The following AHCY variants were observed in gnomAD, a reference collection of about 807,000 sequenced individuals.
The protein encoded by AHCY is S-adenosyl-L-homocysteine hydrolase.
AHCY carries 24 observed loss-of-function variants against 45.4 expected under a neutral mutation model. That is an observed-to-expected ratio of 0.53 (90% CI 0.38 to 0.74). The LOEUF (loss-of-function observed/expected upper bound fraction) is 0.74. Ranked by LOEUF, AHCY falls within the 30% of genes least tolerant of loss-of-function variation. AHCY has a pLI of 0.00. For missense variants in AHCY, 449 were observed against 594.1 expected, an observed-to-expected ratio of 0.76 and a Z score of 2.54; for synonymous variants, 245 against 235.1, an observed-to-expected ratio of 1.04 and a Z score of -0.39.
In AHCY at chr20:34,303,220, C is replaced by G. The variant is rs1355934755; in HGVS notation, c.28+23G>C. 4 of 1,551,314 alleles carry G rather than the reference C, an allele frequency of 2.6e-6. No individual in the cohort carries two copies. The Admixed American group carries it at 5.9e-5, about 23-fold the overall frequency. ...CGGGCGGGTGCCGGGCGGCCGCAAC[C>G]GGCTGCAGGTCCTGGGACTCACCGA... On this transcript the variant is annotated intron_variant, in intron 1 of 9. Transcript: ENST00000217426.
At chr20:34,269,637 A>G in the AHCY span, among the ~76,000 whole-genome samples, 17,368 of 148,864 alleles carry the variant, frequency 0.12, 3,394 homozygotes, top group African/African-American at 0.4. Flanking sequence ...TCCCCAGGGG[A>G]AAAAAAAAAC....
the AHCY span, among the ~76,000 whole-genome samples, chr20:34,263,287 G>A: frequency 2.0e-5 from 3 of 152,182 alleles, no homozygotes; most frequent in African/African-American, 7.2e-5. Flanking sequence ...ATCTTAGGCC[G>A]GATGCGGTGG....
chr20:34,283,645 G>A (rs939934571), intron 9 of AHCY, among the ~76,000 whole-genome samples: 19 of 152,196 alleles, frequency 1.2e-4, no homozygotes, highest in African/African-American at 4.6e-4. Context: ...CAAACTCATA[G>A]CCATATTTCT....
At chr20:34,276,741 A>G (rs2035913162), downstream of AHCY, among the ~76,000 whole-genome samples, 1 of 151,994 alleles carries the variant, frequency 6.6e-6, no homozygotes, top group Admixed American at 6.6e-5. Flanking sequence ...TTCTAGCAAA[A>G]GTCCTAAAGT....
rs1018515219 is a variant in AHCY at position 34,285,377 on chromosome 20, C to T, written c.1167+63G>A. Reference sequence around the variant, plus strand: ...AAGCACTTTATAAACTCTGGCAAGCCCTGTGTGGGGATCCCAGGATTAGAC... The same window carrying T: ...AAGCACTTTATAAACTCTGGCAAGCTCTGTGTGGGGATCCCAGGATTAGAC... On this transcript the variant is annotated intron_variant, in intron 9 of 9. Transcript: ENST00000217426. 1.1e-5 allele frequency: 17 copies of T among 1,589,562 alleles called. No homozygotes were observed. In the African/African-American group the frequency reaches 2.2e-4, roughly 20 times the overall value.
At chr20:34,264,902 C>T in the AHCY span, among the ~76,000 whole-genome samples, 1 of 149,058 alleles carries the variant, frequency 6.7e-6, no homozygotes, top group East Asian at 2.0e-4. Flanking sequence ...CTCAAGTGAT[C>T]CTCCTGCCTC....
At position 34,303,305 on chromosome 20, in the gene AHCY, G is replaced by A; in HGVS notation, c.-35C>T. 3 of 1,551,742 alleles carry A rather than the reference G, an allele frequency of 1.9e-6. No individual in the cohort carries two copies. The highest frequency in any genetic ancestry group is 1.7e-6 in the Non-Finnish European group (2 of 1,146,984). On this transcript the variant is annotated 5_prime_UTR_variant, in exon 1 of 10. Coordinates refer to ENST00000217426, the MANE Select transcript of AHCY (RefSeq NM_000687.4). ...ACTCGTGATGGAAACGGGCGAAGGG[G>A]GCTGGGCCTCAGTCTGGGAACAGGA...
At chr20:34,299,262 C>T (rs2036690980) in intron 1 of AHCY, among the ~76,000 whole-genome samples, 1 of 152,156 alleles carries the variant, frequency 6.6e-6, no homozygotes, top group African/African-American at 2.4e-5. Flanking sequence ...CCATACTCCA[C>T]TAAAACTGCT....
At chr20:34,292,218 G>A in intron 4 of AHCY, 140 bp downstream of exon 4, 2 of 1,207,934 alleles carry the variant, frequency 1.7e-6, no homozygotes, top group Non-Finnish European at 2.3e-6. Context: ...CAGCATGAAT[G>A]CCAGAGCCTG....
Position 34,303,287 on chromosome 20 carries a change from A to G in AHCY, c.-17T>C. The G allele has an allele frequency of 6.4e-7, 1 of 1,551,734 alleles. No individual in the cohort carries two copies. The stretch of plus-strand genomic sequence containing the variant: ...GTCAGACATGCTGGCGGCACTCGTG[A>G]TGGAAACGGGCGAAGGGGGCTGGGC... On this transcript the variant is annotated 5_prime_UTR_variant, in exon 1 of 10. Transcript: ENST00000217426.
intron 9 of AHCY, among the ~76,000 whole-genome samples, chr20:34,283,403 G>A (rs1350060039): frequency 1.3e-5 from 2 of 152,172 alleles, no homozygotes; most frequent in Admixed American, 1.3e-4. Flanking sequence ...CATTCGTGCA[G>A]TAGGTGACTT....
upstream of AHCY, among the ~76,000 whole-genome samples, chr20:34,306,014 G>A (rs781401837): frequency 1.6e-4 from 24 of 150,884 alleles, no homozygotes; most frequent in Non-Finnish European, 2.9e-4. Flanking sequence ...CCCAGGAGGC[G>A]GATGTTGCAT....
Position 34,294,151 on chromosome 20 carries a change from C to T in AHCY, c.225G>A (p.Gln75=), listed in dbSNP as rs770773399. Residue 75 remains glutamine (Q), a synonymous_variant, in exon 3 of 10, where the codon CAG becomes CAA. Coordinates refer to ENST00000217426, the MANE Select transcript of AHCY (RefSeq NM_000687.4). ...TGGAGAAGATGTTGCAGCTGGACCA[C>T]TGCACCTAGAAGAGCCATCAAAACA... ...ETLVTLGAEV[Q]WSSCNIFSTQ... 6.2e-7 allele frequency: 1 copy of T among 1,613,150 alleles called. No individual in the cohort carries two copies. Among genetic ancestry groups the T allele is most frequent in the Admixed American group, 1.7e-5 (1 of 60,020 alleles).
the AHCY span, among the ~76,000 whole-genome samples, chr20:34,245,516 T>C: frequency 6.6e-6 from 1 of 151,200 alleles, no homozygotes; most frequent in African/African-American, 2.4e-5. Context: ...GCCTCCTGAG[T>C]AGCTGGGACT....
Position 34,297,532 on chromosome 20 carries a change from G to A in AHCY, c.29-1947C>T, listed in dbSNP as rs1313204422. 3.9e-5 allele frequency among the ~76,000 whole-genome samples: 6 copies of A among 152,140 alleles called. No homozygotes were observed. In the East Asian group the frequency reaches 5.8e-4, roughly 15 times the overall value. On this transcript the variant is annotated intron_variant, in intron 1 of 9. Transcript: ENST00000217426. The stretch of plus-strand genomic sequence containing the variant: ...AGGCTGATCTTGAACTCCTGGCCTC[G>A]TGATCCACCTGCTTCAGCCTCCCAA...
the AHCY span, among the ~76,000 whole-genome samples, chr20:34,268,824 G>T: frequency 6.6e-6 from 1 of 152,118 alleles, no homozygotes; most frequent in East Asian, 1.9e-4. Context: ...TCTGGATGGG[G>T]ATGGAGGTGA....
At chr20:34,260,179 T>C in the AHCY span, among the ~76,000 whole-genome samples, 1 of 151,938 alleles carries the variant, frequency 6.6e-6, no homozygotes, top group Non-Finnish European at 1.5e-5. Context: ...TCTTCCCATC[T>C]CTCTTCTCTC....
chr20:34,259,297 G>A, the AHCY span, among the ~76,000 whole-genome samples: 5 of 152,008 alleles, frequency 3.3e-5, no homozygotes, highest in Admixed American at 2.6e-4. Context: ...CGGATCACTT[G>A]AGGACAAGAG....
chr20:34,281,268 C>T, intron 9 of AHCY, 103 bp from the exon 10 acceptor site: 1 of 1,536,842 alleles, frequency 6.5e-7, no homozygotes, highest in Non-Finnish European at 8.9e-7. Context: ...AGGGTTTCTG[C>T]CATGTGTGGT....
Sources: allele counts gnomAD v4.1 joint callset (sites outside exome capture counted in the v4.1 genomes callset), GRCh38; gene constraint gnomAD v4.1.1; transcripts MANE v1.5; gene names NCBI Gene and HGNC (gene_info 2026-07-23, HGNC 2026-07-21).